Variants in TTC27 observed in about 807,000 individuals in gnomAD.
The protein encoded by TTC27 is tetratricopeptide repeat domain 27, also known as tetratricopeptide repeat protein 27.
A neutral mutation model predicts 115.9 loss-of-function variants in TTC27; 79 were observed. That is an observed-to-expected ratio of 0.68 (90% CI 0.57 to 0.82). The LOEUF (loss-of-function observed/expected upper bound fraction) is 0.82. Ranked by LOEUF, TTC27 falls within the 40% of genes least tolerant of loss-of-function variation. The probability of loss-of-function intolerance (pLI) is 0.00; values close to 1 mark genes in which losing one functional copy is unlikely to be tolerated. For synonymous variants in TTC27, 401 were observed against 356.0 expected, an observed-to-expected ratio of 1.13 and a Z score of -1.42; for missense variants, 1,054 against 993.1, an observed-to-expected ratio of 1.06 and a Z score of -0.82.
rs778638738 is a variant in TTC27 at position 32,776,970 on chromosome 2, T to A, written c.1681-912T>A. On this transcript the variant is annotated intron_variant, in intron 13 of 19. Transcript: ENST00000317907. ...GCTATTGAATTTTAAGGAAATATTA[T>A]GATGTACAGATTTTTTTTTGTAATC... Among the ~76,000 whole-genome samples, 107 of 151,538 alleles carry A rather than the reference T, an allele frequency of 7.1e-4. 3 individuals are homozygous for A. The highest frequency in any genetic ancestry group is 6.8e-3 in the Middle Eastern group (2 of 292).
In TTC27 at chr2:32,628,216, C is replaced by A; in HGVS notation, c.-77C>A. ...CTAGATTTCAGCGCCTTTGGACTCTCCTGTTTTCACTTTCTTTTGTTGACT... is the reference window on the plus strand; with the variant it reads ...CTAGATTTCAGCGCCTTTGGACTCTACTGTTTTCACTTTCTTTTGTTGACT... On this transcript the variant is annotated 5_prime_UTR_variant, in exon 1 of 20. Transcript: ENST00000317907. 1 of 1,403,370 alleles carries A rather than the reference C, an allele frequency of 7.1e-7. No individual in the cohort carries two copies. Among genetic ancestry groups the A allele is most frequent in the East Asian group, 2.4e-5 (1 of 41,428 alleles). The allele number at this position is 1,403,370 out of a possible 1,614,324, so 86.9% of individuals were successfully genotyped here.
intron 5 of TTC27, among the ~76,000 whole-genome samples, chr2:32,653,919 T>G (rs1353062572): frequency 6.6e-6 from 1 of 152,246 alleles, no homozygotes; most frequent in African/African-American, 2.4e-5. Context: ...GTTATCTATC[T>G]TCAAAGCTCA....
intron 12 of TTC27, among the ~76,000 whole-genome samples, chr2:32,738,288 G>A (rs1395453739): frequency 6.6e-6 from 1 of 152,094 alleles, no homozygotes. Flanking sequence ...CCTTGTCTTA[G>A]TTCCCTCATC....
chr2:32,724,666 T>C (rs954158977), intron 10 of TTC27, among the ~76,000 whole-genome samples: 1 of 152,234 alleles, frequency 6.6e-6, no homozygotes, highest in Non-Finnish European at 1.5e-5. Context: ...GAAGAAACTT[T>C]TTCCCATGGA....
intron 13 of TTC27, among the ~76,000 whole-genome samples, chr2:32,765,596 G>C (rs1201651787): frequency 6.6e-6 from 1 of 152,156 alleles, no homozygotes. Flanking sequence ...CCTGTCCTTT[G>C]AAGTCAGGCA....
At chr2:32,695,213 G>A (rs1572522516) in intron 9 of TTC27, among the ~76,000 whole-genome samples, 1 of 151,950 alleles carries the variant, frequency 6.6e-6, no homozygotes, top group African/African-American at 2.4e-5. Context: ...TTTAGCCCTT[G>A]CAACTACCAT....
chr2:32,658,936 A>G (rs1665432821), intron 5 of TTC27, among the ~76,000 whole-genome samples: 1 of 152,184 alleles, frequency 6.6e-6, no homozygotes, highest in Admixed American at 6.5e-5. Flanking sequence ...TTCATATTGT[A>G]TTAGATATAT....
intron 12 of TTC27, among the ~76,000 whole-genome samples, chr2:32,753,153 C>G (rs548781584): frequency 6.6e-6 from 1 of 152,184 alleles, no homozygotes; most frequent in African/African-American, 2.4e-5. Flanking sequence ...GATTTCTCCA[C>G]ATGAATTAGC....
rs537543066 is a variant in TTC27 at position 32,703,406 on chromosome 2, G to A, written c.1233+486G>A. 2.0e-5 allele frequency among the ~76,000 whole-genome samples: 3 copies of A among 152,298 alleles called. 1 individual carries two copies. The South Asian group carries it at 6.2e-4, about 32-fold the overall frequency. On this transcript the variant is annotated intron_variant, in intron 10 of 19. Coordinates refer to ENST00000317907, the MANE Select transcript of TTC27 (RefSeq NM_017735.5). ...CGCTTGAACCCTGGAGGCAAAGGTC[G>A]CAGTGAGCCGAGATCGTGCCATTGC...
intron 18 of TTC27, among the ~76,000 whole-genome samples, chr2:32,815,338 G>C (rs190852003): frequency 7.1e-6 from 1 of 140,280 alleles, no homozygotes; most frequent in Non-Finnish European, 1.5e-5. Flanking sequence ...CCAGGTTCAC[G>C]CCATTCTCCT....
chr2:32,721,069 T>C (rs540314820), intron 10 of TTC27, among the ~76,000 whole-genome samples: 50 of 152,328 alleles, frequency 3.3e-4, no homozygotes, highest in African/African-American at 1.1e-3. Context: ...ACCATGGCTG[T>C]ATTTGGTTTG....
intron 4 of TTC27, among the ~76,000 whole-genome samples, chr2:32,647,695 A>T (rs572635503): frequency 6.6e-6 from 1 of 152,292 alleles, no homozygotes; most frequent in Non-Finnish European, 1.5e-5. Flanking sequence ...CTTTGGAGCC[A>T]GGTGCTGTGG....
intron 5 of TTC27, among the ~76,000 whole-genome samples, chr2:32,651,393 C>T (rs147054494): frequency 0.015 from 2,253 of 152,308 alleles, 31 homozygotes; most frequent in Non-Finnish European, 0.025. Flanking sequence ...GTCATCCAGG[C>T]TGGAGTGCAA....
rs765718818 is a variant in TTC27 at position 32,678,880 on chromosome 2, A to C, written c.1077A>C (p.Pro359=). The part of the protein sequence containing the change: ...GICTNFQKNN[P]VHTLTEVELL... The stretch of plus-strand genomic sequence containing the variant: ...GCACTAATTTTCAAAAGAATAACCC[A>C]GTGCACACATTAACTGAAGTGGAGC... The change falls in exon 9 of 20, where the codon CCA becomes CCC. Residue 359 remains proline, a synonymous_variant. Coordinates refer to ENST00000317907, the MANE Select transcript of TTC27 (RefSeq NM_017735.5). 6.2e-7 allele frequency: 1 copy of C among 1,613,088 alleles called. No homozygotes were observed. Among genetic ancestry groups the C allele is most frequent in the South Asian group, 1.1e-5 (1 of 91,008 alleles).
chr2:32,702,866 A>T lies in TTC27; in HGVS notation c.1179A>T (p.Thr393=), dbSNP rs758966108. 2 of 1,614,152 alleles carry T rather than the reference A, an allele frequency of 1.2e-6. No individual in the cohort carries two copies. Among genetic ancestry groups the T allele is most frequent in the South Asian group, 2.2e-5 (2 of 91,080 alleles). ...AIQTSALILR[T]KLEKGSTRRV... is the part of the protein sequence containing the mutation. ...AGACATCAGCCTTGATCCTCCGGAC[A>T]AAACTTGAGAAAGGAAGTACTCGCC... The change falls in exon 10 of 20, where the codon ACA becomes ACT. Residue 393 remains threonine (T), a synonymous_variant. Coordinates refer to ENST00000317907, the MANE Select transcript of TTC27 (RefSeq NM_017735.5).
At chr2:32,745,578 G>A (rs1668795595) in intron 12 of TTC27, among the ~76,000 whole-genome samples, 1 of 152,048 alleles carries the variant, frequency 6.6e-6, no homozygotes, top group South Asian at 2.1e-4. Context: ...TGGGGTGGGA[G>A]TTTAATGACC....
At chr2:32,768,820 C>T (rs776294194) in intron 13 of TTC27, among the ~76,000 whole-genome samples, 13 of 152,040 alleles carry the variant, frequency 8.6e-5, no homozygotes, top group South Asian at 6.2e-4. Flanking sequence ...TTGAGGGAGA[C>T]GTTGGAATCA....
chr2:32,636,556 G>A (rs138795982), intron 3 of TTC27, among the ~76,000 whole-genome samples: 151 of 152,194 alleles, frequency 9.9e-4, no homozygotes, highest in African/African-American at 3.4e-3. Context: ...ACAGATTTGA[G>A]GTAATCTATA....
intron 12 of TTC27, among the ~76,000 whole-genome samples, chr2:32,754,510 A>G (rs1017498395): frequency 6.7e-6 from 1 of 149,628 alleles, no homozygotes; most frequent in Non-Finnish European, 1.5e-5. Flanking sequence ...TTTTCTTAGT[A>G]CAGAACAAAA....
Sources: gnomAD v4.1 joint callset for allele counts (sites outside exome capture counted in the v4.1 genomes callset) on GRCh38, gnomAD v4.1.1 for gene constraint, MANE v1.5 for transcripts, NCBI Gene and HGNC (gene_info 2026-07-23, HGNC 2026-07-21) for gene names.